The following CCSER1 variants were observed in gnomAD, a reference collection of about 807,000 sequenced individuals.
CCSER1 encodes the protein serine-rich coiled-coil domain-containing protein 1.
CCSER1 carries 41 observed loss-of-function variants against 82.0 expected under a neutral mutation model. The observed-to-expected ratio is 0.50, with a 90% CI of 0.39 to 0.65. CCSER1 has a LOEUF of 0.65. Among genes scored for constraint, CCSER1 ranks in the 30% least tolerant of loss-of-function variants. The pLI is 0.00. For synonymous variants in CCSER1, 414 were observed against 383.9 expected, an observed-to-expected ratio of 1.08 and a Z score of -0.92; for missense variants, 1,119 against 1,064.2, an observed-to-expected ratio of 1.05 and a Z score of -0.72.
chr4:90,534,826 C>T (rs1775114138), intron 5 of CCSER1, among the ~76,000 whole-genome samples: 2 of 152,152 alleles, frequency 1.3e-5, no homozygotes. Flanking sequence ...TATACACACA[C>T]TTAGATTTCT....
At chr4:90,788,577 C>T (rs1754828672) in intron 7 of CCSER1, among the ~76,000 whole-genome samples, 1 of 152,106 alleles carries the variant, frequency 6.6e-6, no homozygotes, top group Non-Finnish European at 1.5e-5. Context: ...CCAAATTTCC[C>T]CTTTTTAATA....
At chr4:90,822,224 T>TG (rs1283372053) in intron 8 of CCSER1, among the ~76,000 whole-genome samples, 2 of 152,212 alleles carry the variant, frequency 1.3e-5, no homozygotes, top group Non-Finnish European at 2.9e-5. Context: ...TGTTTTAACT[T>TG]GGATGACAAT....
At chr4:91,082,273 C>CTG (rs1722852077) in intron 9 of CCSER1, among the ~76,000 whole-genome samples, 2 of 149,418 alleles carry the variant, frequency 1.3e-5, no homozygotes, top group Non-Finnish European at 3.0e-5. Flanking sequence ...CATCTACAAC[C>CTG]ATCTTTGACA....
chr4:91,441,255 C>CAAA (rs1278616088), intron 10 of CCSER1, among the ~76,000 whole-genome samples: 6 of 151,900 alleles, frequency 3.9e-5, no homozygotes, highest in Non-Finnish European at 7.4e-5. Context: ...AGCAGCACAT[C>CAAA]AAAAAGCTTA....
chr4:90,248,467 T>G (rs72877729), intron 1 of CCSER1, among the ~76,000 whole-genome samples: 7,881 of 152,126 alleles, frequency 0.052, 544 homozygotes, highest in African/African-American at 0.16. Context: ...TCATGACACA[T>G]TTTGTCAGTA....
chr4:90,217,189 T>G (rs62313899), intron 1 of CCSER1, among the ~76,000 whole-genome samples: 1 of 152,060 alleles, frequency 6.6e-6, no homozygotes, highest in Non-Finnish European at 1.5e-5. Context: ...GTGGAGTCTT[T>G]AGACGTTTTT....
chr4:90,839,891 G>A (rs1276833293), intron 8 of CCSER1, among the ~76,000 whole-genome samples: 3 of 152,088 alleles, frequency 2.0e-5, no homozygotes, highest in African/African-American at 7.2e-5. Flanking sequence ...TACATGAATT[G>A]TATATTTATT....
intron 8 of CCSER1, among the ~76,000 whole-genome samples, chr4:90,885,937 A>G (rs1722059539): frequency 1.3e-5 from 2 of 151,818 alleles, no homozygotes; most frequent in African/African-American, 4.8e-5. Flanking sequence ...TGTCACTGAC[A>G]CTTCTGCATC....
intron 10 of CCSER1, among the ~76,000 whole-genome samples, chr4:91,406,890 A>G (rs540907923): frequency 6.6e-6 from 1 of 152,316 alleles, no homozygotes; most frequent in South Asian, 2.1e-4. Flanking sequence ...TATTAATGAA[A>G]AAAACAACCT....
chr4:90,633,855 G>C (rs891146614), intron 6 of CCSER1, among the ~76,000 whole-genome samples: 1 of 151,666 alleles, frequency 6.6e-6, no homozygotes, highest in African/African-American at 2.4e-5. Flanking sequence ...CTTTTTTAAA[G>C]ATCAGTTTCT....
chr4:90,785,209 GT>G (rs1357608678), intron 7 of CCSER1, among the ~76,000 whole-genome samples: 1 of 151,992 alleles, frequency 6.6e-6, no homozygotes. Context: ...GCTAATTTTT[GT>G]ATTTTTTTAT....
intron 10 of CCSER1, among the ~76,000 whole-genome samples, chr4:91,396,401 C>T (rs758648545): frequency 2.4e-4 from 36 of 152,046 alleles, no homozygotes; most frequent in Admixed American, 1.1e-3. Context: ...ACTTAGTAAG[C>T]TATCACTTAT....
chr4:91,126,968 A>G (rs1435957621), intron 10 of CCSER1, among the ~76,000 whole-genome samples: 6 of 151,958 alleles, frequency 3.9e-5, no homozygotes, highest in Admixed American at 3.9e-4. Flanking sequence ...AAGTAGAACC[A>G]CAAAAGCAAC....
chr4:90,982,640 A>G (rs898338146), intron 9 of CCSER1, among the ~76,000 whole-genome samples: 2 of 151,746 alleles, frequency 1.3e-5, no homozygotes, highest in Non-Finnish European at 2.9e-5. Context: ...AAACAAAAAA[A>G]AATTCCTGCA....
In CCSER1 at chr4:90,667,029, G is replaced by T. The variant is rs145174516; in HGVS notation, c.1932+38797G>T. 4.2e-3 allele frequency among the ~76,000 whole-genome samples: 636 copies of T among 152,286 alleles called. 2 individuals are homozygous for T. The highest frequency in any genetic ancestry group is 7.6e-3 in the Non-Finnish European group (517 of 68,010). ...GGTCTGCAAAGAAAGTCAAGTTGTTGAAAACTGCATGGTCTTTGGAAGAGA... is the reference window on the plus strand; with the variant it reads ...GGTCTGCAAAGAAAGTCAAGTTGTTTAAAACTGCATGGTCTTTGGAAGAGA... On this transcript the variant is annotated intron_variant, in intron 6 of 10. Coordinates refer to ENST00000509176, the MANE Select transcript of CCSER1 (RefSeq NM_001145065.2).
At chr4:90,547,236 TAAAA>T (rs929981861) in intron 5 of CCSER1, among the ~76,000 whole-genome samples, 1 of 148,502 alleles carries the variant, frequency 6.7e-6, no homozygotes, top group African/African-American at 2.5e-5. Flanking sequence ...TAAAATAAAA[TAAAA>T]AAAAGAAAAA....
chr4:90,154,467 G>A (rs1268461597), intron 1 of CCSER1, among the ~76,000 whole-genome samples: 2 of 151,998 alleles, frequency 1.3e-5, no homozygotes, highest in South Asian at 2.1e-4. Flanking sequence ...AATTACCTTG[G>A]GCAGTATGGC....
At position 90,486,420 on chromosome 4, in the gene CCSER1, G is replaced by A. The variant is rs149593633; in HGVS notation, c.1724+18066G>A. 4.4e-3 allele frequency among the ~76,000 whole-genome samples: 667 copies of A among 152,278 alleles called. 6 individuals are homozygous for A. The highest frequency in any genetic ancestry group is 0.016 in the African/African-American group (646 of 41,538). On this transcript the variant is annotated intron_variant, in intron 5 of 10. Coordinates refer to ENST00000509176, the MANE Select transcript of CCSER1 (RefSeq NM_001145065.2). ...ACTTTTCTACATTTACCCCTTGAGT[G>A]CCTCATAGTCACTTCAAAGTTGCTA... is the stretch of plus-strand genomic sequence containing the variant.
In CCSER1 at chr4:91,201,682, A is replaced by G. The variant is rs554117898; in HGVS notation, c.2217+115688A>G. 2.6e-5 allele frequency among the ~76,000 whole-genome samples: 4 copies of G among 152,178 alleles called. No homozygotes were observed. In the South Asian group the frequency reaches 8.3e-4, roughly 32 times the overall value. The stretch of plus-strand genomic sequence containing the variant: ...ATATCGTGGGATTACAGATGTGATT[A>G]CGTCTGAATTTCTGATATTCTTAGT... On this transcript the variant is annotated intron_variant, in intron 10 of 10. Transcript: ENST00000509176.
Sources: gnomAD v4.1 joint callset for allele counts (sites outside exome capture counted in the v4.1 genomes callset) on GRCh38, gnomAD v4.1.1 for gene constraint, MANE v1.5 for transcripts, NCBI Gene and HGNC (gene_info 2026-07-23, HGNC 2026-07-21) for gene names.